Variants in SEPTIN2 observed in about 807,000 individuals in gnomAD.
SEPTIN2 encodes the protein septin-2.
SEPTIN2 carries 34 observed loss-of-function variants against 46.5 expected under a neutral mutation model. That is an observed-to-expected ratio of 0.73 (90% CI 0.56 to 0.97). SEPTIN2 has a LOEUF of 0.97. Ranked by LOEUF, SEPTIN2 falls within the 50% of genes least tolerant of loss-of-function variation. The pLI, the probability that SEPTIN2 is intolerant of heterozygous loss-of-function variation, is 0.00. For missense variants in SEPTIN2, 347 were observed against 448.4 expected, an observed-to-expected ratio of 0.77 and a Z score of 2.04; for synonymous variants, 175 against 153.4, an observed-to-expected ratio of 1.14 and a Z score of -1.04.
At chr2:241,342,288 C>G (rs1453065196) in intron 7 of SEPTIN2, among the ~76,000 whole-genome samples, 1 of 151,112 alleles carries the variant, frequency 6.6e-6, no homozygotes, top group East Asian at 1.9e-4. Flanking sequence ...TCTCCCTTCT[C>G]TCTGCTTTTA....
chr2:241,350,125 A>G lies in SEPTIN2; in HGVS notation c.1037A>G (p.Gln346Arg). The G allele has an allele frequency of 1.2e-6, 2 of 1,614,164 alleles. No individual in the cohort carries two copies. Among genetic ancestry groups the G allele is most frequent in the East Asian group, 2.2e-5 (1 of 44,892 alleles). ...AGGATGCAGGCGCAGATGCAGATGCAGATGCAGGGCGGGGATGGCGATGGC... is the reference window on the plus strand; with the variant it reads ...AGGATGCAGGCGCAGATGCAGATGCGGATGCAGGGCGGGGATGGCGATGGC... ...IARMQAQMQM[Q>R]MQGGDGDGGA... The change falls in exon 12 of 13, where the codon CAG becomes CGG. Residue 346 changes from glutamine to arginine, a missense_variant. By Grantham distance (43) the Gln-to-Arg change is conservative. Transcript: ENST00000391971.
At chr2:241,331,688 C>T (rs1272611744) in intron 3 of SEPTIN2, among the ~76,000 whole-genome samples, 1 of 152,374 alleles carries the variant, frequency 6.6e-6, no homozygotes, top group African/African-American at 2.4e-5. Flanking sequence ...GCCACAGCGT[C>T]CAGCTCCAAC....
intron 8 of SEPTIN2, 133 bp downstream of exon 8, chr2:241,343,226 C>G: frequency 1.6e-6 from 1 of 622,218 alleles, no homozygotes; most frequent in Admixed American, 2.9e-5. Flanking sequence ...AGACCTCATG[C>G]AGTGGCTCAT....
At chr2:241,324,478 C>T in intron 2 of SEPTIN2, 1 of 496,826 alleles carries the variant, frequency 2.0e-6, no homozygotes, top group Non-Finnish European at 3.7e-6. Context: ...ACTTCTGCCT[C>T]CCACGTTCAA....
At chr2:241,336,322 C>G in intron 5 of SEPTIN2, 1 of 525,774 alleles carries the variant, frequency 1.9e-6, no homozygotes. Context: ...AGCCAGTCAT[C>G]CATAGACTGC....
chr2:241,316,272 C>T (rs1223543923), intron 1 of SEPTIN2: 9 of 446,066 alleles, frequency 2.0e-5, no homozygotes, highest in Non-Finnish European at 3.6e-5. Flanking sequence ...AATTCCTCTG[C>T]ACTGTCGTCG....
intron 3 of SEPTIN2, among the ~76,000 whole-genome samples, chr2:241,327,598 A>G (rs1256720103): frequency 6.6e-6 from 1 of 151,790 alleles, no homozygotes; most frequent in African/African-American, 2.4e-5. Context: ...CTTGACAAAT[A>G]CCAGGCAAAA....
intron 7 of SEPTIN2, among the ~76,000 whole-genome samples, chr2:241,341,199 T>TC (rs1264718051): frequency 6.6e-6 from 1 of 152,220 alleles, no homozygotes; most frequent in Non-Finnish European, 1.5e-5. Context: ...GATTTGCCCT[T>TC]CCAGGTATCT....
intron 7 of SEPTIN2, among the ~76,000 whole-genome samples, chr2:241,342,036 T>C (rs918503628): frequency 1.3e-5 from 2 of 152,190 alleles, no homozygotes; most frequent in Middle Eastern, 6.3e-3. Flanking sequence ...GATTGTGGGA[T>C]TTCACTGCTG....
In SEPTIN2 at chr2:241,335,133, AG is replaced by A; in HGVS notation, c.140del (p.Gly47ValfsTer2). 6.2e-7 allele frequency: 1 copy of A among 1,608,780 alleles called. No homozygotes were observed. The highest frequency in any genetic ancestry group is 8.5e-7 in the Non-Finnish European group (1 of 1,175,518). Reference protein sequence around the residue: ...EFTLMVVGESGLGKSTLINSL... With the variant: ...EFTLMVVGESXLGKSTLINSL... ...TTTTCTTTTTATTTAAAGGTGAATC[AG>A]GTCTAGGAAAATCGACTCTCATAAA... On this transcript the variant is annotated frameshift_variant, in exon 4 of 13. Transcript: ENST00000391971. LOFTEE classifies it high-confidence loss of function.
At chr2:241,327,808 T>C (rs1027918322) in intron 3 of SEPTIN2, among the ~76,000 whole-genome samples, 2 of 152,132 alleles carry the variant, frequency 1.3e-5, no homozygotes, top group South Asian at 2.1e-4. Flanking sequence ...CCTAGCACTT[T>C]GGGAGGCCAA....
chr2:241,326,249 T>C (rs543747711), intron 3 of SEPTIN2, 136 bp downstream of exon 3: 12 of 735,980 alleles, frequency 1.6e-5, no homozygotes, highest in East Asian at 6.2e-5. Flanking sequence ...TGAACAAATA[T>C]ATGTGTATTC....
chr2:241,333,822 A>G (rs1452255552), intron 3 of SEPTIN2, among the ~76,000 whole-genome samples: 1 of 152,118 alleles, frequency 6.6e-6, no homozygotes, highest in African/African-American at 2.4e-5. Context: ...CACATTGCAA[A>G]TTCACTTATT....
At chr2:241,346,955 C>A (rs1443022000) in intron 10 of SEPTIN2, among the ~76,000 whole-genome samples, 1 of 152,160 alleles carries the variant, frequency 6.6e-6, no homozygotes, top group African/African-American at 2.4e-5. Flanking sequence ...AGTCCTGCAG[C>A]CATCCTCACT....
At chr2:241,316,129 A>T (rs1296868562) in intron 1 of SEPTIN2, 147 bp downstream of exon 1, 1 of 187,936 alleles carries the variant, frequency 5.3e-6, no homozygotes, top group African/African-American at 2.3e-5. Context: ...GGGGCGGCCG[A>T]GCCCAGGCTC....
At chr2:241,326,201 A>G (rs2077936981) in intron 3 of SEPTIN2, 88 bp downstream of exon 3, 1 of 1,294,466 alleles carries the variant, frequency 7.7e-7, no homozygotes, top group Non-Finnish European at 1.0e-6. Flanking sequence ...CCTATAAAGA[A>G]AGAGGAAAAT....
upstream of SEPTIN2, chr2:241,315,684 C>T (rs1017386398): frequency 1.0e-4 from 16 of 152,578 alleles, no homozygotes; most frequent in African/African-American, 3.6e-4. Flanking sequence ...ACCTCCCCCC[C>T]CACCCCCAGC....
Position 241,350,213 on chromosome 2 carries a change from G to T in SEPTIN2, c.*29+10G>T. The T allele has an allele frequency of 1.3e-6, 2 of 1,518,998 alleles. No homozygotes were observed. The highest frequency in any genetic ancestry group is 1.2e-5 in the South Asian group (1 of 81,950). 94.1% of individuals were successfully genotyped at this position (1,518,998 alleles called of 1,614,324 possible). On this transcript the variant is annotated intron_variant, in intron 12 of 12. Transcript: ENST00000391971. ...TATCAAGAAGTCAGAGGTAGGCCCT[G>T]TTGTCCCTTAGCCTGGAAGACAGGC...
intron 3 of SEPTIN2, among the ~76,000 whole-genome samples, chr2:241,334,358 C>G (rs2079550191): frequency 2.0e-5 from 3 of 152,168 alleles, no homozygotes; most frequent in Admixed American, 1.3e-4. Context: ...GTGCTTCCTT[C>G]AAATGTAAAA....
Sources: gnomAD v4.1 joint callset for allele counts (sites outside exome capture counted in the v4.1 genomes callset) on GRCh38, gnomAD v4.1.1 for gene constraint, MANE v1.5 for transcripts, NCBI Gene and HGNC (gene_info 2026-07-23, HGNC 2026-07-21) for gene names.